The following DGKB variants were observed in gnomAD, a reference collection of about 807,000 sequenced individuals.
The protein encoded by DGKB is diacylglycerol kinase beta.
In DGKB, 67 loss-of-function variants were observed where a neutral mutation model predicts 114.3. The observed-to-expected ratio is 0.59, with a 90% CI of 0.48 to 0.72. DGKB has a LOEUF of 0.72. DGKB is among the 30% of genes least tolerant of loss of function. DGKB has a pLI of 0.00. For synonymous variants in DGKB, 398 were observed against 323.1 expected, an observed-to-expected ratio of 1.23 and a Z score of -2.49; for missense variants, 907 against 975.2, an observed-to-expected ratio of 0.93 and a Z score of 0.93.
At chr7:14,305,212 T>C (rs1337861483) in intron 23 of DGKB, among the ~76,000 whole-genome samples, 3 of 152,170 alleles carry the variant, frequency 2.0e-5, no homozygotes, top group Non-Finnish European at 2.9e-5. Flanking sequence ...TACTGTGCTA[T>C]TGAACACTAG....
chr7:14,628,307 A>ATGTGTGTGTGTGTGTGTG (rs139191761), intron 14 of DGKB, among the ~76,000 whole-genome samples: 1,620 of 150,544 alleles, frequency 0.011, 20 homozygotes, highest in South Asian at 0.015. Context: ...AACACAAGTT[A>ATGTGTGTGTGTGTGTGTG]TGTGTGTGTG....
At chr7:14,687,489 A>G (rs912569983) in intron 9 of DGKB, among the ~76,000 whole-genome samples, 1 of 152,178 alleles carries the variant, frequency 6.6e-6, no homozygotes, top group African/African-American at 2.4e-5. Context: ...ATAGATTTCT[A>G]GTAGCTTTAT....
chr7:14,493,777 C>T (rs896251750), intron 20 of DGKB, among the ~76,000 whole-genome samples: 1 of 151,990 alleles, frequency 6.6e-6, no homozygotes, highest in African/African-American at 2.4e-5. Context: ...CTATGGTTGA[C>T]TGCAGTAACT....
upstream of DGKB, among the ~76,000 whole-genome samples, chr7:14,904,135 T>C (rs1783521367): frequency 6.6e-6 from 1 of 152,152 alleles, no homozygotes; most frequent in South Asian, 2.1e-4. Context: ...TACTTCTTAA[T>C]TACTAGTAAC....
At chr7:14,480,051 T>C (rs1016536318) in intron 20 of DGKB, among the ~76,000 whole-genome samples, 9 of 151,992 alleles carry the variant, frequency 5.9e-5, no homozygotes, top group African/African-American at 2.2e-4. Context: ...TACAATTTTT[T>C]TTACAGGTGT....
intron 20 of DGKB, among the ~76,000 whole-genome samples, chr7:14,503,643 A>T (rs1021342485): frequency 6.6e-6 from 1 of 152,162 alleles, no homozygotes; most frequent in Non-Finnish European, 1.5e-5. Flanking sequence ...GATTTATTCT[A>T]TGGGTCTGAG....
Position 14,588,978 on chromosome 7 carries a change from G to A in DGKB, c.1434-5841C>T, listed in dbSNP as rs562379226. ...GCATTAAAACTATATATTAATTTTG[G>A]GAGAAATAACACACGTATAATATGA... On this transcript the variant is annotated intron_variant, in intron 17 of 25. Coordinates refer to ENST00000402815, the MANE Select transcript of DGKB (RefSeq NM_001350709.2). 1.9e-3 allele frequency among the ~76,000 whole-genome samples: 290 copies of A among 151,736 alleles called. 1 individual carries two copies. The highest frequency in any genetic ancestry group is 6.8e-3 in the African/African-American group (281 of 41,420).
At chr7:14,930,912 T>C (rs73058935) in intron 1 of DGKB, among the ~76,000 whole-genome samples, 20,439 of 152,164 alleles carry the variant, frequency 0.13, 1,471 homozygotes, top group Admixed American at 0.19. Flanking sequence ...ATTTTTATCA[T>C]GAAGGTATGT....
At chr7:14,772,171 A>T (rs1837520673) in intron 2 of DGKB, among the ~76,000 whole-genome samples, 2 of 152,116 alleles carry the variant, frequency 1.3e-5, no homozygotes. Flanking sequence ...CAACCACCTT[A>T]GGCATATGTT....
At chr7:14,906,108 G>T (rs1184748391), upstream of DGKB, among the ~76,000 whole-genome samples, 2 of 151,840 alleles carry the variant, frequency 1.3e-5, no homozygotes, top group Non-Finnish European at 2.9e-5. Flanking sequence ...TTTCCTGAGG[G>T]GGCTTTCAGG....
At chr7:14,663,728 C>T (rs765098031) in intron 13 of DGKB, among the ~76,000 whole-genome samples, 30 of 144,858 alleles carry the variant, frequency 2.1e-4, no homozygotes, top group Non-Finnish European at 3.9e-4. Context: ...CTTCTTTCCT[C>T]CCTTCCTTTC....
At chr7:14,541,120 TC>T (rs1435379649) in intron 20 of DGKB, among the ~76,000 whole-genome samples, 1 of 151,790 alleles carries the variant, frequency 6.6e-6, no homozygotes, top group African/African-American at 2.4e-5. Context: ...TTTTTTTTTT[TC>T]TAGACACATT....
At chr7:14,216,708 A>G (rs1384092382) in intron 23 of DGKB, among the ~76,000 whole-genome samples, 2 of 142,704 alleles carry the variant, frequency 1.4e-5, no homozygotes, top group South Asian at 2.3e-4. Context: ...CCTGGGTGAC[A>G]GAGCAAGACT....
chr7:14,625,948 A>ATG (rs1469046407), intron 14 of DGKB, among the ~76,000 whole-genome samples: 2 of 152,222 alleles, frequency 1.3e-5, no homozygotes, highest in African/African-American at 4.8e-5. Flanking sequence ...GTAGCACAAC[A>ATG]GATCTTAACT....
chr7:14,483,448 A>T (rs960592740), intron 20 of DGKB, among the ~76,000 whole-genome samples: 2 of 152,206 alleles, frequency 1.3e-5, no homozygotes, highest in Non-Finnish European at 2.9e-5. Context: ...GAAGATATTT[A>T]GATCAGATTT....
At chr7:14,378,692 G>C (rs961162808) in intron 21 of DGKB, among the ~76,000 whole-genome samples, 10 of 152,038 alleles carry the variant, frequency 6.6e-5, no homozygotes, top group African/African-American at 9.7e-5. Flanking sequence ...ATATGTTTCT[G>C]TGTAAAACAC....
At position 14,473,740 on chromosome 7, in the gene DGKB, C is replaced by T. The variant is rs557947934; in HGVS notation, c.1835+4421G>A. 5.3e-5 allele frequency among the ~76,000 whole-genome samples: 8 copies of T among 152,328 alleles called. No homozygotes were observed. The East Asian group carries it at 1.5e-3, about 29-fold the overall frequency. On this transcript the variant is annotated intron_variant, in intron 21 of 25. Transcript: ENST00000402815. ...CATGGAAGCCTACTTCTTGCATCAG[C>T]TTGACCTGGATGTGAGACATAGAGT...
At chr7:14,335,740 T>TTTTTG (rs1314127262) in intron 23 of DGKB, among the ~76,000 whole-genome samples, 11 of 152,068 alleles carry the variant, frequency 7.2e-5, no homozygotes, top group South Asian at 2.1e-4. Context: ...CTTTGTTGTG[T>TTTTTG]TTTTGTTTTG....
intron 20 of DGKB, among the ~76,000 whole-genome samples, chr7:14,544,159 A>G (rs891794658): frequency 6.6e-6 from 1 of 152,352 alleles, no homozygotes; most frequent in Middle Eastern, 3.4e-3. Context: ...AGAAAACCTC[A>G]GCAGAACATC....
Sources: allele counts gnomAD v4.1 joint callset (sites outside exome capture counted in the v4.1 genomes callset), GRCh38; gene constraint gnomAD v4.1.1; transcripts MANE v1.5; gene names NCBI Gene and HGNC (gene_info 2026-07-23, HGNC 2026-07-21).